Variants in CACHD1 observed in about 807,000 individuals in gnomAD.
CACHD1 encodes cache domain containing 1.
CACHD1 carries 71 observed loss-of-function variants against 138.7 expected under a neutral mutation model. The ratio of observed to expected loss-of-function variants is 0.51; its 90% CI spans 0.42 to 0.62. The LOEUF (loss-of-function observed/expected upper bound fraction) is 0.62, where lower values mean the gene tolerates loss of function less well. CACHD1 is among the 20% of genes least tolerant of loss of function. The pLI, the probability that CACHD1 is intolerant of heterozygous loss-of-function variation, is 0.00. For missense variants in CACHD1, 1,389 were observed against 1,625.3 expected (o/e 0.85, Z 2.50); for synonymous variants, 578 against 591.5 (o/e 0.98, Z 0.33).
At chr1:64,658,923 A>G in intron 13 of CACHD1, 50 bp downstream of exon 13, 1 of 1,436,072 alleles carries the variant, frequency 7.0e-7, no homozygotes. Context: ...AGCTCACTGT[A>G]AATATCCTTT....
intron 1 of CACHD1, among the ~76,000 whole-genome samples, chr1:64,543,427 T>TATATATATATATATATATATATATATATA (rs1646693613): frequency 1.5e-5 from 1 of 68,394 alleles, no homozygotes; most frequent in African/African-American, 6.6e-5. Context: ...ATATATATAT[T>TATATATATATATATATATATATATATATA]TAAATTAGCC....
intron 4 of CACHD1, among the ~76,000 whole-genome samples, chr1:64,604,713 C>T (rs1332748533): frequency 6.8e-6 from 1 of 147,072 alleles, no homozygotes; most frequent in Admixed American, 6.8e-5. Flanking sequence ...AGTGCAGTGG[C>T]GTGATCATGG....
In CACHD1 at chr1:64,470,713, G is replaced by A. The variant is rs1646137923; in HGVS notation, c.-32G>A. Reference sequence around the variant, plus strand: ...CCCGCGGCCCGCTTCCCCGCGCCCGGAGCCCGTCGGCGGGGAGTGGGGGGA... The same window carrying A: ...CCCGCGGCCCGCTTCCCCGCGCCCGAAGCCCGTCGGCGGGGAGTGGGGGGA... On this transcript the variant is annotated 5_prime_UTR_variant, in exon 1 of 27. Transcript: ENST00000651257. This position sits in a 1 kb window ranked among gnomAD's most constrained non-coding sequence, Gnocchi z 5.2. 5.9e-6 allele frequency: 3 copies of A among 506,928 alleles called. No homozygotes were observed. The highest frequency in any genetic ancestry group is 1.0e-5 in the Non-Finnish European group (3 of 300,710). The allele number at this position is 506,928 out of a possible 1,614,324, so 31.4% of individuals were successfully genotyped here. A position where few individuals can be genotyped will look rare whatever the true frequency, so the allele number is the denominator to read the frequency against.
At chr1:64,544,686 A>G (rs990547652) in intron 1 of CACHD1, among the ~76,000 whole-genome samples, 4 of 149,814 alleles carry the variant, frequency 2.7e-5, no homozygotes, top group Non-Finnish European at 5.9e-5. Flanking sequence ...TTCAACTGTT[A>G]TTATGTGACT....
rs1309813598 is a variant in CACHD1 at position 64,470,505 on chromosome 1, C to T, written c.-240C>T. Among the ~76,000 whole-genome samples the T allele has an allele frequency of 1.3e-5, 2 of 151,394 alleles. No individual in the cohort carries two copies. The highest frequency in any genetic ancestry group is 3.0e-5 in the Non-Finnish European group (2 of 67,794). On this transcript the variant is annotated 5_prime_UTR_variant, in exon 1 of 27. Transcript: ENST00000651257. This position sits in a 1 kb window ranked among gnomAD's most constrained non-coding sequence, Gnocchi z 5.2. ...CGTGTGGGCGCCGGGCTCCGGGGAC[C>T]GCTCGGGCGGCCGCCTCCTACCCCC...
intron 1 of CACHD1, among the ~76,000 whole-genome samples, chr1:64,485,274 A>AC (rs1482279302): frequency 6.6e-6 from 1 of 152,120 alleles, no homozygotes; most frequent in Non-Finnish European, 1.5e-5. Context: ...CAGTATCATC[A>AC]CCCCCCAAAA....
intron 16 of CACHD1, among the ~76,000 whole-genome samples, chr1:64,667,748 G>A (rs555940664): frequency 3.4e-4 from 52 of 152,308 alleles, no homozygotes; most frequent in African/African-American, 1.1e-3. Context: ...TGTTGTTATA[G>A]TGCAGGGAAT....
chr1:64,688,377 C>A (rs1389043995), intron 26 of CACHD1, among the ~76,000 whole-genome samples: 1 of 152,176 alleles, frequency 6.6e-6, no homozygotes, highest in East Asian at 1.9e-4. Flanking sequence ...ACTGCTAAAG[C>A]TGAGAAACCT....
intron 3 of CACHD1, among the ~76,000 whole-genome samples, chr1:64,584,575 T>G (rs887618190): frequency 2.4e-4 from 37 of 152,294 alleles, no homozygotes; most frequent in African/African-American, 8.7e-4. Context: ...CTTTTGTCCC[T>G]GGAAGAATTT....
At position 64,653,901 on chromosome 1, in the gene CACHD1, C is replaced by A; in HGVS notation, c.1664+20C>A. 6.2e-7 allele frequency: 1 copy of A among 1,608,804 alleles called. No homozygotes were observed. The highest frequency in any genetic ancestry group is 8.5e-7 in the Non-Finnish European group (1 of 1,177,956). ...CCTAAGGTAAGGAAAAGGTGAGGGTCATAGGATTGTTTTTCCCTGAGAATG... is the reference window on the plus strand; with the variant it reads ...CCTAAGGTAAGGAAAAGGTGAGGGTAATAGGATTGTTTTTCCCTGAGAATG... On this transcript the variant is annotated intron_variant, in intron 11 of 26. Coordinates refer to ENST00000651257, the MANE Select transcript of CACHD1 (RefSeq NM_020925.4).
chr1:64,663,564 A>G, intron 13 of CACHD1, 131 bp from the exon 14 acceptor site: 2 of 1,210,166 alleles, frequency 1.7e-6, no homozygotes, highest in East Asian at 2.4e-5. Context: ...AAAAAAAAAA[A>G]AGAAAAAAAG....
chr1:64,621,468 A>G (rs1415670354), intron 4 of CACHD1, among the ~76,000 whole-genome samples: 2 of 152,098 alleles, frequency 1.3e-5, no homozygotes, highest in South Asian at 2.1e-4. Context: ...TTCCTTCCCC[A>G]TGGAGCTTAA....
intron 10 of CACHD1, among the ~76,000 whole-genome samples, chr1:64,653,242 G>A (rs1444897343): frequency 6.6e-6 from 1 of 151,948 alleles, no homozygotes; most frequent in Non-Finnish European, 1.5e-5. Context: ...GTGGAAAGCG[G>A]GACGAGGGAG....
chr1:64,578,950 C>T (rs1465073598), intron 2 of CACHD1, among the ~76,000 whole-genome samples: 1 of 152,098 alleles, frequency 6.6e-6, no homozygotes, highest in Non-Finnish European at 1.5e-5. Context: ...AAAGGGTAGA[C>T]CTGTTAAAGA....
chr1:64,629,564 T>C, intron 5 of CACHD1, 83 bp downstream of exon 5: 1 of 1,464,934 alleles, frequency 6.8e-7, no homozygotes, highest in Non-Finnish European at 9.2e-7. Flanking sequence ...TTTCTACTCA[T>C]GGCTATGCCT....
chr1:64,662,989 G>A (rs974723510), intron 13 of CACHD1, among the ~76,000 whole-genome samples: 12 of 152,040 alleles, frequency 7.9e-5, no homozygotes, highest in East Asian at 1.9e-4. Context: ...AATTCTCACC[G>A]TATTTCTGTA....
intron 1 of CACHD1, among the ~76,000 whole-genome samples, 168 bp from the exon 2 acceptor site, chr1:64,550,426 G>A (rs1291514684): frequency 6.6e-6 from 1 of 152,124 alleles, no homozygotes; most frequent in Non-Finnish European, 1.5e-5. Context: ...TTACATAAGT[G>A]TGATTGACTT....
At chr1:64,581,946 C>T (rs990484969) in intron 2 of CACHD1, among the ~76,000 whole-genome samples, 3 of 152,152 alleles carry the variant, frequency 2.0e-5, no homozygotes, top group Non-Finnish European at 4.4e-5. Context: ...TATAATTTTA[C>T]TGTTGTCTGA....
intron 1 of CACHD1, among the ~76,000 whole-genome samples, chr1:64,544,920 A>G (rs1362051919): frequency 6.6e-6 from 1 of 152,166 alleles, no homozygotes; most frequent in Non-Finnish European, 1.5e-5. Context: ...GAACTAAGCA[A>G]TATTGTATAT....
Sources: allele counts gnomAD v4.1 joint callset (sites outside exome capture counted in the v4.1 genomes callset), GRCh38; gene constraint gnomAD v4.1.1; non-coding constraint Gnocchi (gnomAD v3.1); transcripts MANE v1.5; gene names NCBI Gene and HGNC (gene_info 2026-07-23, HGNC 2026-07-21).